The following TMEM63A variants were observed in gnomAD, a reference collection of about 807,000 sequenced individuals.
TMEM63A encodes transmembrane protein 63A, also known as mechanosensitive cation channel TMEM63A.
TMEM63A carries 76 observed loss-of-function variants against 100.6 expected under a neutral mutation model. That is an observed-to-expected ratio of 0.76 (90% CI 0.63 to 0.91). TMEM63A has a LOEUF of 0.91. Among genes scored for constraint, TMEM63A ranks in the 40% least tolerant of loss-of-function variants. TMEM63A has a pLI of 0.00. For missense variants in TMEM63A, 876 were observed against 1,008.8 expected, an observed-to-expected ratio of 0.87 and a Z score of 1.78; for synonymous variants, 401 against 401.1, an observed-to-expected ratio of 1.00 and a Z score of 0.00.
At chr1:225,847,314 A>C in intron 23 of TMEM63A, 101 bp from the exon 24 acceptor site, 6 of 1,413,770 alleles carry the variant, frequency 4.2e-6, no homozygotes, top group Non-Finnish European at 5.7e-6. Context: ...GACAGTGGCC[A>C]TAAAGGACAT....
At chr1:225,880,428 TGAG>T (rs1474014867) in intron 1 of TMEM63A, among the ~76,000 whole-genome samples, 1 of 152,044 alleles carries the variant, frequency 6.6e-6, no homozygotes, top group South Asian at 2.1e-4. Context: ...GCTGCCAGGC[TGAG>T]GAGAAGGCAG....
Position 225,860,847 on chromosome 1 carries a change from T to C in TMEM63A, c.1223+13A>G. 6.2e-7 allele frequency: 1 copy of C among 1,601,272 alleles called. No individual in the cohort carries two copies. Among genetic ancestry groups the C allele is most frequent in the Non-Finnish European group, 8.5e-7 (1 of 1,173,490 alleles). On this transcript the variant is annotated intron_variant, in intron 14 of 24. Coordinates refer to ENST00000366835, the MANE Select transcript of TMEM63A (RefSeq NM_014698.3). ...AGGCCTCTCTCCCACCTCTCCTTGG[T>C]CTAGGAGCTTACCAGCAGATGTCCT...
At position 225,860,803 on chromosome 1, in the gene TMEM63A, C is replaced by A. The variant is rs374234810; in HGVS notation, c.1223+57G>T. The A allele has an allele frequency of 2.0e-5, 30 of 1,533,784 alleles. No homozygotes were observed. In the East Asian group the frequency reaches 3.9e-4, roughly 20 times the overall value. On this transcript the variant is annotated intron_variant, in intron 14 of 24. Transcript: ENST00000366835. ...TCACACCTGTGCTCCAGGTGATGGG[C>A]AGCTCCCACCAGGAACCCAGGCCTC...
At chr1:225,849,354 T>C (rs1227849373) in intron 21 of TMEM63A, among the ~76,000 whole-genome samples, 3 of 152,156 alleles carry the variant, frequency 2.0e-5, no homozygotes, top group Non-Finnish European at 2.9e-5. Flanking sequence ...GGATGGACCC[T>C]CCCACACCCC....
At chr1:225,852,891 C>A in intron 19 of TMEM63A, 122 bp from the exon 20 acceptor site, 1 of 787,514 alleles carries the variant, frequency 1.3e-6, no homozygotes, top group South Asian at 1.6e-5. Flanking sequence ...AGATGCGTGG[C>A]TCCCCGCCTC....
intron 13 of TMEM63A, chr1:225,861,894 C>T (rs528706580): frequency 1.6e-5 from 6 of 369,170 alleles, no homozygotes; most frequent in Non-Finnish European, 3.1e-5. Context: ...TCCCCTGGGG[C>T]AAGGCTGGCA....
Position 225,871,064 on chromosome 1 carries a change from G to C in TMEM63A, c.371+12C>G, listed in dbSNP as rs201929246. 4.0e-5 allele frequency: 65 copies of C among 1,613,654 alleles called. No individual in the cohort carries two copies. The Admixed American group carries it at 9.2e-4, about 23-fold the overall frequency. The stretch of plus-strand genomic sequence containing the variant: ...CAAAGGCCCCCCAGCAGCTGCCCCC[G>C]GGTGTACTCACTGCAGACGGAAGAT... On this transcript the variant is annotated intron_variant, in intron 6 of 24. Transcript: ENST00000366835.
At chr1:225,843,337 T>C (rs2102781677), downstream of TMEM63A, among the ~76,000 whole-genome samples, 1 of 152,190 alleles carries the variant, frequency 6.6e-6, no homozygotes, top group South Asian at 2.1e-4. Flanking sequence ...GCAATAAAAA[T>C]GCAAGGAAAG....
At position 225,867,007 on chromosome 1, in the gene TMEM63A, A is replaced by G. The variant is rs1307790371; in HGVS notation, c.566+105T>C. On this transcript the variant is annotated intron_variant, in intron 8 of 24. Transcript: ENST00000366835. This position sits in a 1 kb window ranked among gnomAD's most constrained non-coding sequence, Gnocchi z 4.6. ...CACTAGCTGCAAGGGGCCTTCAGATACCAGCCGGCCCCCTTTGGAGTACCT... is the reference window on the plus strand; with the variant it reads ...CACTAGCTGCAAGGGGCCTTCAGATGCCAGCCGGCCCCCTTTGGAGTACCT... 5 of 1,186,722 alleles carry G rather than the reference A, an allele frequency of 4.2e-6. No individual in the cohort carries two copies. In the East Asian group the frequency reaches 1.2e-4, roughly 28 times the overall value. 73.5% of individuals were successfully genotyped at this position (1,186,722 alleles called of 1,614,324 possible).
downstream of TMEM63A, among the ~76,000 whole-genome samples, chr1:225,843,277 A>C (rs1229327644): frequency 6.6e-6 from 1 of 152,180 alleles, no homozygotes; most frequent in African/African-American, 2.4e-5. Flanking sequence ...GCCTTGGAGG[A>C]TAAGTAGGAG....
At chr1:225,877,085 C>A (rs1670842270) in intron 3 of TMEM63A, among the ~76,000 whole-genome samples, 1 of 152,156 alleles carries the variant, frequency 6.6e-6, no homozygotes, top group African/African-American at 2.4e-5. Flanking sequence ...TTCCCAAGGG[C>A]CTTAAAGATA....
intron 2 of TMEM63A, among the ~76,000 whole-genome samples, chr1:225,878,884 CTA>C (rs1491391843): frequency 1.9e-5 from 1 of 51,596 alleles, no homozygotes; most frequent in African/African-American, 7.3e-5. Flanking sequence ...ACCTACCTAC[CTA>C]CACACACACA....
chr1:225,877,861 G>C (rs1266177592), intron 2 of TMEM63A, among the ~76,000 whole-genome samples: 1 of 152,208 alleles, frequency 6.6e-6, no homozygotes, highest in Non-Finnish European at 1.5e-5. Context: ...GATCCCCAGA[G>C]GGGGCGACAT....
In TMEM63A at chr1:225,862,423, C is replaced by T. The variant is rs753949656; in HGVS notation, c.951+32G>A. ...ATCTGGGGCACCCCGATGCCAATGC[C>T]TCTGCTCCCAGCCGGGGGGTGGGAC... is the stretch of plus-strand genomic sequence containing the variant. On this transcript the variant is annotated intron_variant, in intron 12 of 24. Coordinates refer to ENST00000366835, the MANE Select transcript of TMEM63A (RefSeq NM_014698.3). The surrounding 1 kb of genome is among the most constrained non-coding windows in gnomAD (Gnocchi z 5.1). The T allele has an allele frequency of 1.5e-5, 25 of 1,613,918 alleles. No individual in the cohort carries two copies. The East Asian group carries it at 2.2e-4, about 14-fold the overall frequency.
chr1:225,844,708 G>A, downstream of TMEM63A: 4 of 1,583,810 alleles, frequency 2.5e-6, no homozygotes, highest in East Asian at 9.1e-5. Context: ...AGGGCACTTG[G>A]TGGTGGGATA....
rs2102620983 is a variant in TMEM63A at position 225,862,392 on chromosome 1, G to C, written c.952-41C>G. Reference sequence around the variant, plus strand: ...TCCCATTGGGATGACGTGGCCCCATGCTGGTATCTGGGGCACCCCGATGCC... The same window carrying C: ...TCCCATTGGGATGACGTGGCCCCATCCTGGTATCTGGGGCACCCCGATGCC... On this transcript the variant is annotated intron_variant, in intron 12 of 24. Transcript: ENST00000366835. This position sits in a 1 kb window ranked among gnomAD's most constrained non-coding sequence, Gnocchi z 5.1. 6.2e-7 allele frequency: 1 copy of C among 1,614,014 alleles called. No homozygotes were observed. The highest frequency in any genetic ancestry group is 2.2e-5 in the East Asian group (1 of 44,868).
At chr1:225,857,877 A>G (rs2102612334) in intron 15 of TMEM63A, among the ~76,000 whole-genome samples, 1 of 152,370 alleles carries the variant, frequency 6.6e-6, no homozygotes, top group Non-Finnish European at 1.5e-5. Context: ...ATGCATATTT[A>G]TAATACCTGC....
At chr1:225,857,135 T>G in intron 15 of TMEM63A, 118 bp from the exon 16 acceptor site, 5 of 852,742 alleles carry the variant, frequency 5.9e-6, no homozygotes, top group South Asian at 2.3e-5. Flanking sequence ...TTGTCATCTC[T>G]GACCCCAGAA....
chr1:225,867,872 T>A lies in TMEM63A; in HGVS notation c.514+16A>T, dbSNP rs568862284. On this transcript the variant is annotated intron_variant, in intron 7 of 24. Coordinates refer to ENST00000366835, the MANE Select transcript of TMEM63A (RefSeq NM_014698.3). The surrounding 1 kb of genome is among the most constrained non-coding windows in gnomAD (Gnocchi z 4.6). Reference sequence around the variant, plus strand: ...TGCCCCATTACAACATAGACAAGGGTGAGGAGGGTCATTACCCAGCAAGTC... The same window carrying A: ...TGCCCCATTACAACATAGACAAGGGAGAGGAGGGTCATTACCCAGCAAGTC... 1.2e-6 allele frequency: 2 copies of A among 1,613,492 alleles called. No individual in the cohort carries two copies. The highest frequency in any genetic ancestry group is 3.3e-5 in the Admixed American group (2 of 59,960).
Sources: gnomAD v4.1 joint callset for allele counts (sites outside exome capture counted in the v4.1 genomes callset) on GRCh38, gnomAD v4.1.1 for gene constraint, Gnocchi (gnomAD v3.1) non-coding constraint, MANE v1.5 for transcripts, NCBI Gene and HGNC (gene_info 2026-07-23, HGNC 2026-07-21) for gene names.